The following OTOG variants were observed in gnomAD, a reference collection of about 807,000 sequenced individuals.
OTOG encodes otogelin.
OTOG carries 296 observed loss-of-function variants against 313.8 expected under a neutral mutation model. That is an observed-to-expected ratio of 0.94 (90% CI 0.86 to 1.04). The LOEUF is 1.04. OTOG is among the 50% of genes least tolerant of loss of function. The pLI is 0.00. For missense variants in OTOG, 3,948 were observed against 3,840.1 expected (o/e 1.03, Z -0.74); for synonymous variants, 1,533 against 1,554.9 (o/e 0.99, Z 0.33).
intron 7 of OTOG, 126 bp downstream of exon 7, chr11:17,556,023 A>G: frequency 1.4e-6 from 1 of 718,568 alleles, no homozygotes; most frequent in South Asian, 1.9e-5. Flanking sequence ...AATTTCCACT[A>G]TCTGGGCGGA....
chr11:17,617,755 T>A (rs1174609746), intron 39 of OTOG, among the ~76,000 whole-genome samples: 3 of 152,076 alleles, frequency 2.0e-5, no homozygotes, highest in African/African-American at 7.2e-5. Flanking sequence ...AAGAATGGCT[T>A]TATTGGTTTT....
chr11:17,627,726 T>C (rs1854021944), intron 39 of OTOG, among the ~76,000 whole-genome samples: 1 of 152,220 alleles, frequency 6.6e-6, no homozygotes, highest in African/African-American at 2.4e-5. Context: ...TTTTCCTTAC[T>C]GGGAGACTTT....
chr11:17,549,968 A>T (rs1299022913), intron 3 of OTOG, among the ~76,000 whole-genome samples: 3 of 152,154 alleles, frequency 2.0e-5, no homozygotes, highest in African/African-American at 4.8e-5. Context: ...TCTTCATTTC[A>T]ATGCTGTCCC....
chr11:17,573,341 C>A (rs1271270387), intron 19 of OTOG, 51 bp downstream of exon 19: 21 of 1,465,534 alleles, frequency 1.4e-5, no homozygotes, highest in East Asian at 5.0e-5. Context: ...GAGCTCCAGA[C>A]CTGAGTGTCC....
chr11:17,613,265 T>C (rs185481555), intron 38 of OTOG, among the ~76,000 whole-genome samples: 5,103 of 138,260 alleles, frequency 0.037, 331 homozygotes, highest in African/African-American at 0.13. Context: ...CTTTCTTTCT[T>C]TCTCTCTCTG....
rs1240551385 is a variant in OTOG at position 17,612,279 on chromosome 11, C to G, written c.6241C>G (p.Leu2081Val). The change falls in exon 37 of 56, where the codon CTC becomes GTC. Residue 2081 changes from leucine (L) to valine (V), a missense_variant. Leu to Val is a conservative substitution (Grantham distance 32, BLOSUM62 1). Coordinates refer to ENST00000399397, the MANE Select transcript of OTOG (RefSeq NM_001292063.2). ...AAPPRCGILG[L>V]AVRVGGDRCC... ...TCCCCCTCGCTGTGGGATCCTGGGC[C>G]TCGCCGTGCGGGTGGGTGGGGACCG... The G allele has an allele frequency of 6.5e-7, 1 of 1,543,848 alleles. No individual in the cohort carries two copies. The highest frequency in any genetic ancestry group is 8.7e-7 in the Non-Finnish European group (1 of 1,146,834).
intron 37 of OTOG, 124 bp downstream of exon 37, chr11:17,612,454 T>G: frequency 2.1e-6 from 3 of 1,401,550 alleles, no homozygotes; most frequent in Non-Finnish European, 2.8e-6. Flanking sequence ...GCAGATTTCC[T>G]ACGCTTGTGA....
intron 39 of OTOG, 111 bp from the exon 40 acceptor site, chr11:17,629,022 C>T: frequency 1.8e-6 from 2 of 1,108,422 alleles, no homozygotes; most frequent in Middle Eastern, 2.2e-4. Flanking sequence ...AAATGTTTGT[C>T]AGATGATGGG....
Position 17,641,935 on chromosome 11 carries a change from C to T in OTOG, c.8279C>T (p.Thr2760Ile), listed in dbSNP as rs1847982387. ...TGTCTCTTCACCTTCCCCAATGGCA[C>T]CACCTCCCTGTTCTTGGTAAGCAGC... The part of the protein sequence containing the change: ...VSCLFTFPNG[T>I]TSLFLPGASW... Residue 2760 changes from threonine to isoleucine, a missense_variant, in exon 52 of 56, where the codon ACC becomes ATC. Thr to Ile is a moderately conservative substitution (Grantham distance 89). Transcript: ENST00000399397. The T allele has an allele frequency of 6.5e-7, 1 of 1,550,246 alleles. No homozygotes were observed. Among genetic ancestry groups the T allele is most frequent in the African/African-American group, 1.4e-5 (1 of 73,026 alleles).
Position 17,576,720 on chromosome 11 carries a change from G to A in OTOG, c.2561+90G>A, listed in dbSNP as rs1277793003. On this transcript the variant is annotated intron_variant, in intron 21 of 55. Coordinates refer to ENST00000399397, the MANE Select transcript of OTOG (RefSeq NM_001292063.2). ...TGCAGCTGATGGAACTTTCTGTGAA[G>A]GGACACCCAGCCCTGCTCTGTGCAG... 12 of 1,452,918 alleles carry A rather than the reference G, an allele frequency of 8.3e-6. 1 individual carries two copies. The highest frequency in any genetic ancestry group is 7.3e-5 in the South Asian group (6 of 82,156). The allele number at this position is 1,452,918 out of a possible 1,614,324, so 90.0% of individuals were successfully genotyped here.
At position 17,612,250 on chromosome 11, in the gene OTOG, C is replaced by T. The variant is rs1853575719; in HGVS notation, c.6212C>T (p.Ala2071Val). The change falls in exon 37 of 56, where the codon GCT becomes GTT. Residue 2071 changes from alanine (A) to valine (V), a missense_variant. By Grantham distance (64) the Ala-to-Val change is moderately conservative (BLOSUM62 0). Coordinates refer to ENST00000399397, the MANE Select transcript of OTOG (RefSeq NM_001292063.2). ...VNQSQHCPQG[A>V]APPRCGILGL... is the part of the protein sequence containing the mutation. ...CAGTCCCAGCACTGTCCCCAGGGTG[C>T]TGCTCCCCCTCGCTGTGGGATCCTG... The T allele has an allele frequency of 1.9e-6, 3 of 1,547,376 alleles. No homozygotes were observed. The highest frequency in any genetic ancestry group is 2.7e-5 in the African/African-American group (2 of 73,038).
intron 47 of OTOG, 92 bp from the exon 48 acceptor site, chr11:17,638,359 G>A (rs1008995075): frequency 3.7e-6 from 4 of 1,087,226 alleles, no homozygotes; most frequent in Admixed American, 2.4e-5. Flanking sequence ...AGGAGCTGGG[G>A]GTAGCCTCTC....
At chr11:17,643,841 C>T (rs1472101850) in intron 54 of OTOG, among the ~76,000 whole-genome samples, 1 of 152,216 alleles carries the variant, frequency 6.6e-6, no homozygotes, top group Non-Finnish European at 1.5e-5. Context: ...CCCAGATGCT[C>T]CCACATAAAT....
intron 47 of OTOG, among the ~76,000 whole-genome samples, chr11:17,636,005 ACTGATAAGAAGTCCT>A (rs1345286899): frequency 1.3e-5 from 2 of 152,166 alleles, no homozygotes; most frequent in African/African-American, 4.8e-5. Context: ...CCCCCACAGC[ACTGATAAGAAGTCCT>A]CATTCCCTGA....
chr11:17,601,794 G>A (rs1853258624), intron 31 of OTOG, among the ~76,000 whole-genome samples: 4 of 152,196 alleles, frequency 2.6e-5, no homozygotes, highest in Admixed American at 2.6e-4. Flanking sequence ...AACACTAACA[G>A]GTTTATTGTC....
chr11:17,626,215 G>T (rs760651061), intron 39 of OTOG, among the ~76,000 whole-genome samples: 1 of 152,026 alleles, frequency 6.6e-6, no homozygotes, highest in Non-Finnish European at 1.5e-5. Context: ...TCACTCTGTC[G>T]CCCAGGCTGG....
At chr11:17,571,514 T>C (rs1408222933) in intron 17 of OTOG, among the ~76,000 whole-genome samples, 1 of 152,186 alleles carries the variant, frequency 6.6e-6, no homozygotes, top group Non-Finnish European at 1.5e-5. Flanking sequence ...CTGCCCCTTG[T>C]ATGACGGTTT....
intron 41 of OTOG, 62 bp downstream of exon 41, chr11:17,631,984 C>T: frequency 6.5e-7 from 1 of 1,541,990 alleles, no homozygotes; most frequent in Non-Finnish European, 8.8e-7. Flanking sequence ...ATGGCAGCAC[C>T]TACCTGCAGA....
At chr11:17,567,028 C>T (rs1055618080) in intron 15 of OTOG, among the ~76,000 whole-genome samples, 2 of 152,154 alleles carry the variant, frequency 1.3e-5, no homozygotes, top group African/African-American at 4.8e-5. Flanking sequence ...AATCTGTACC[C>T]AACTGGGTAG....
Sources: allele counts gnomAD v4.1 joint callset (sites outside exome capture counted in the v4.1 genomes callset), GRCh38; gene constraint gnomAD v4.1.1; transcripts MANE v1.5; gene names NCBI Gene and HGNC (gene_info 2026-07-23, HGNC 2026-07-21).